SH3BP4: variants seen among roughly 807,000 people sequenced by gnomAD.
SH3BP4 encodes SH3 domain-binding protein 4.
In SH3BP4, 33 loss-of-function variants were observed where a neutral mutation model predicts 65.5. The ratio of observed to expected loss-of-function variants is 0.50; its 90% CI spans 0.38 to 0.67. The LOEUF (loss-of-function observed/expected upper bound fraction) is 0.67. Among genes scored for constraint, SH3BP4 ranks in the 30% least tolerant of loss-of-function variants. SH3BP4 has a pLI of 0.00. For missense variants in SH3BP4, 1,134 were observed against 1,261.4 expected (o/e 0.90, Z 1.53); for synonymous variants, 552 against 545.5 (o/e 1.01, Z -0.17).
chr2:234,956,715 G>A lies in SH3BP4; in HGVS notation c.-207+4545G>A, dbSNP rs571853903. Among the ~76,000 whole-genome samples the A allele has an allele frequency of 2.0e-5, 3 of 149,948 alleles. No homozygotes were observed. In the East Asian group the frequency reaches 5.9e-4, roughly 29 times the overall value. The stretch of plus-strand genomic sequence containing the variant: ...ACTACAGGTGCACACCAGCACGCCC[G>A]GGTAGTTTTTTTTTTTAAATTCTTG... On this transcript the variant is annotated intron_variant, in intron 1 of 5. Transcript: ENST00000392011.
intron 4 of SH3BP4, among the ~76,000 whole-genome samples, chr2:235,044,934 T>G (rs1695796509): frequency 6.6e-6 from 1 of 152,164 alleles, no homozygotes; most frequent in Non-Finnish European, 1.5e-5. Context: ...GGGGGCCACC[T>G]TGGCAACCAG....
At chr2:235,051,905 G>A (rs2106345166) in intron 4 of SH3BP4, among the ~76,000 whole-genome samples, 1 of 152,240 alleles carries the variant, frequency 6.6e-6, no homozygotes, top group South Asian at 2.1e-4. Flanking sequence ...AGTGGGAGTG[G>A]TGACAACTCT....
intron 1 of SH3BP4, among the ~76,000 whole-genome samples, chr2:234,988,263 G>T (rs1422601844): frequency 6.6e-6 from 1 of 152,138 alleles, no homozygotes; most frequent in African/African-American, 2.4e-5. Flanking sequence ...GTTTCACCGT[G>T]TTAGCCAGGA....
intron 2 of SH3BP4, among the ~76,000 whole-genome samples, chr2:235,000,311 G>A (rs11694969): frequency 0.11 from 16,415 of 152,226 alleles, 1,375 homozygotes; most frequent in East Asian, 0.28. Flanking sequence ...GGGCCCCCGA[G>A]CCTGGGCTGT....
At chr2:234,956,131 A>G (rs758701831) in intron 1 of SH3BP4, among the ~76,000 whole-genome samples, 1 of 152,202 alleles carries the variant, frequency 6.6e-6, no homozygotes, top group Non-Finnish European at 1.5e-5. Context: ...CTCAGCCTAA[A>G]TGGAAGGCAG....
intron 1 of SH3BP4, among the ~76,000 whole-genome samples, chr2:234,957,772 C>G (rs1243747722): frequency 6.6e-6 from 1 of 151,908 alleles, no homozygotes; most frequent in African/African-American, 2.4e-5. Context: ...TGAATTTGTT[C>G]AAGAAGAAAG....
At position 235,040,955 on chromosome 2, in the gene SH3BP4, G is replaced by C. The variant is rs148142077; in HGVS notation, c.186G>C (p.Ala62=). The change falls in exon 4 of 6, where the codon GCG becomes GCC. Residue 62 remains alanine (A), a synonymous_variant. Coordinates refer to ENST00000392011, the MANE Select transcript of SH3BP4 (RefSeq NM_014521.3). Reference sequence around the variant, plus strand: ...TCGGAAATGCAAAGGAAGTGATTGCGATCAAGGACTATTGCCCCACCAACT... The same window carrying C: ...TCGGAAATGCAAAGGAAGTGATTGCCATCAAGGACTATTGCCCCACCAACT... The part of the protein sequence containing the change: ...TPFGNAKEVI[A]IKDYCPTNFT... 56 of 1,614,134 alleles carry C rather than the reference G, an allele frequency of 3.5e-5. 2 individuals carry two copies. In the Middle Eastern group the frequency reaches 9.9e-4, roughly 29 times the overall value.
intron 2 of SH3BP4, among the ~76,000 whole-genome samples, chr2:235,029,022 AG>A (rs1199527280): frequency 6.6e-6 from 1 of 152,144 alleles, no homozygotes; most frequent in Non-Finnish European, 1.5e-5. Context: ...CAGAGTCTGG[AG>A]GGTGTCTGAC....
At chr2:234,954,304 A>G (rs977473476) in intron 1 of SH3BP4, among the ~76,000 whole-genome samples, 10 of 152,218 alleles carry the variant, frequency 6.6e-5, no homozygotes, top group African/African-American at 2.4e-4. Flanking sequence ...TTTGTCCCCA[A>G]GCACCCATGC....
Position 235,030,220 on chromosome 2 carries a change from T to C in SH3BP4, c.-132-4651T>C, listed in dbSNP as rs1342137584. Among the ~76,000 whole-genome samples the C allele has an allele frequency of 6.6e-6, 1 of 152,050 alleles. No homozygotes were observed. Among genetic ancestry groups the C allele is most frequent in the African/African-American group, 2.4e-5 (1 of 41,394 alleles). On this transcript the variant is annotated intron_variant, in intron 2 of 5. Transcript: ENST00000392011. This position sits in a 1 kb window ranked among gnomAD's most constrained non-coding sequence, Gnocchi z 4.1. ...TCACCAGAGGTGGATGGTGAGGAGCTTGAGGAGCTCCAGGGGCCCAGCAGC... is the reference window on the plus strand; with the variant it reads ...TCACCAGAGGTGGATGGTGAGGAGCCTGAGGAGCTCCAGGGGCCCAGCAGC...
At chr2:235,024,512 T>C (rs777509683) in intron 2 of SH3BP4, among the ~76,000 whole-genome samples, 1 of 152,154 alleles carries the variant, frequency 6.6e-6, no homozygotes, top group Non-Finnish European at 1.5e-5. Context: ...TGTGTGTCAC[T>C]AATGAGAACT....
rs148015278 is a variant in SH3BP4, at chr2:235,046,895, G to A, written c.2478+3648G>A. On this transcript the variant is annotated intron_variant, in intron 4 of 5. Transcript: ENST00000392011. The surrounding 1 kb of genome is among the most constrained non-coding windows in gnomAD (Gnocchi z 4.2). ...TTTGTGCCTGTTTTTGATAGAGTCC[G>A]TGTGTGAGGCATCCCCGTACCTCTG... Among the ~76,000 whole-genome samples, 181 of 152,182 alleles carry A rather than the reference G, an allele frequency of 1.2e-3. No individual in the cohort carries two copies. The highest frequency in any genetic ancestry group is 3.4e-3 in the Middle Eastern group (1 of 294).
Position 235,042,176 on chromosome 2 carries a change from C to A in SH3BP4, c.1407C>A (p.Phe469Leu), listed in dbSNP as rs1695679367. 1.9e-6 allele frequency: 3 copies of A among 1,614,112 alleles called. No individual in the cohort carries two copies. Among genetic ancestry groups the A allele is most frequent in the Non-Finnish European group, 2.5e-6 (3 of 1,180,026 alleles). The change falls in exon 4 of 6, where the codon TTC becomes TTA. Residue 469 changes from phenylalanine (F) to leucine (L), a missense_variant. Coordinates refer to ENST00000392011, the MANE Select transcript of SH3BP4 (RefSeq NM_014521.3). This position sits in a 1 kb window ranked among gnomAD's most constrained non-coding sequence, Gnocchi z 7.3. Reference protein sequence around the residue: ...SILYPSTVWDFINKKVTVGLY... With the variant: ...SILYPSTVWDLINKKVTVGLY... Reference sequence around the variant, plus strand: ...TCTACCCTTCCACCGTGTGGGACTTCATCAATAAAAAAGTCACAGTGGGTC... The same window carrying A: ...TCTACCCTTCCACCGTGTGGGACTTAATCAATAAAAAAGTCACAGTGGGTC...
At chr2:235,000,885 G>A (rs910666063) in intron 2 of SH3BP4, among the ~76,000 whole-genome samples, 1 of 152,186 alleles carries the variant, frequency 6.6e-6, no homozygotes, top group African/African-American at 2.4e-5. Context: ...TCTCCCCATC[G>A]CCCCAGCTGC....
At position 235,023,398 on chromosome 2, in the gene SH3BP4, A is replaced by C. The variant is rs546473904; in HGVS notation, c.-132-11473A>C. ...CCTGTCTGTATTTAAAATACAAAAA[A>C]ATAACTGGACATGGTGGTGGAGACC... is the stretch of plus-strand genomic sequence containing the variant. On this transcript the variant is annotated intron_variant, in intron 2 of 5. Transcript: ENST00000392011. 7.0e-4 allele frequency among the ~76,000 whole-genome samples: 106 copies of C among 152,130 alleles called. 2 individuals carry two copies. In the South Asian group the frequency reaches 0.021, roughly 31 times the overall value.
chr2:235,034,895 G>A lies in SH3BP4; in HGVS notation c.-108G>A, dbSNP rs777037604. On this transcript the variant is annotated 5_prime_UTR_variant, in exon 3 of 6. An upstream start codon of the reference 5' UTR is lost. Coordinates refer to ENST00000392011, the MANE Select transcript of SH3BP4 (RefSeq NM_014521.3). This position sits in a 1 kb window ranked among gnomAD's most constrained non-coding sequence, Gnocchi z 6.2. ...GGAAGAAACATATTGCCGAGTGGATGCCGCCGCGCAGCGTGTTTGCTTGAG... is the reference window on the plus strand; with the variant it reads ...GGAAGAAACATATTGCCGAGTGGATACCGCCGCGCAGCGTGTTTGCTTGAG... The A allele has an allele frequency of 4.0e-5, 35 of 869,026 alleles. No individual in the cohort carries two copies. The highest frequency in any genetic ancestry group is 2.6e-5 in the Non-Finnish European group (14 of 548,722). The allele number at this position is 869,026 out of a possible 1,614,324, so 53.8% of individuals were successfully genotyped here. A position where few individuals can be genotyped will look rare whatever the true frequency, so the allele number is the denominator to read the frequency against.
rs1365137295 is a variant in SH3BP4, at chr2:235,041,582, A to G, written c.813A>G (p.Ser271=). 1.9e-6 allele frequency: 3 copies of G among 1,613,950 alleles called. No homozygotes were observed. The South Asian group carries it at 3.3e-5, about 18-fold the overall frequency. ...CGAGTTTCTTCACCGGCTTGAAATC[A>G]CCTGCCCCCGAGCAATTTCAGAGCC... ...TSSSFFTGLK[S]PAPEQFQSRE... Residue 271 remains serine, a synonymous_variant, in exon 4 of 6, where the codon TCA becomes TCG. Transcript: ENST00000392011. The surrounding 1 kb of genome is among the most constrained non-coding windows in gnomAD (Gnocchi z 6.0).
Position 234,987,556 on chromosome 2 carries a change from G to A in SH3BP4, c.-206-7747G>A, listed in dbSNP as rs137911945. Among the ~76,000 whole-genome samples, 703 of 152,260 alleles carry A rather than the reference G, an allele frequency of 4.6e-3. 4 individuals are homozygous for A. The highest frequency in any genetic ancestry group is 0.01 in the Middle Eastern group (3 of 294). On this transcript the variant is annotated intron_variant, in intron 1 of 5. Coordinates refer to ENST00000392011, the MANE Select transcript of SH3BP4 (RefSeq NM_014521.3). ...AATCTCCAGACCCTTCATTCCCCAGGCCGCCTCCCCCCAACATGGGCGGCT... is the reference window on the plus strand; with the variant it reads ...AATCTCCAGACCCTTCATTCCCCAGACCGCCTCCCCCCAACATGGGCGGCT...
chr2:235,037,903 A>AT (rs1216319972), intron 3 of SH3BP4, among the ~76,000 whole-genome samples: 1 of 151,906 alleles, frequency 6.6e-6, no homozygotes, highest in Non-Finnish European at 1.5e-5. Context: ...TGGTTTTATG[A>AT]TTTTTTTAGA....
Sources: gnomAD v4.1 joint callset for allele counts (sites outside exome capture counted in the v4.1 genomes callset) on GRCh38, gnomAD v4.1.1 for gene constraint, Gnocchi (gnomAD v3.1) non-coding constraint, MANE v1.5 for transcripts, NCBI Gene and HGNC (gene_info 2026-07-23, HGNC 2026-07-21) for gene names.